Variants in TULP3 observed in about 807,000 individuals in gnomAD.
The protein encoded by TULP3 is tubby-related protein 3.
Under a neutral mutation model 50.7 loss-of-function variants are expected in TULP3, and 38 were observed. The observed-to-expected ratio is 0.75, with a 90% CI of 0.58 to 0.98. The LOEUF (loss-of-function observed/expected upper bound fraction) is 0.98. TULP3 is among the 50% of genes least tolerant of loss of function. The pLI, the probability that TULP3 is intolerant of heterozygous loss-of-function variation, is 0.00. For missense variants in TULP3, 550 were observed against 568.0 expected (o/e 0.97, Z 0.32); for synonymous variants, 183 against 196.6 (o/e 0.93, Z 0.58).
intron 1 of TULP3, among the ~76,000 whole-genome samples, chr12:2,905,803 A>G (rs985474732): frequency 2.0e-5 from 3 of 151,880 alleles, no homozygotes; most frequent in African/African-American, 7.3e-5. Flanking sequence ...CTTTAGTCAT[A>G]TGCCAGAACT....
intron 1 of TULP3, among the ~76,000 whole-genome samples, chr12:2,895,411 A>G: frequency 6.6e-6 from 1 of 152,204 alleles, no homozygotes; most frequent in East Asian, 1.9e-4. Flanking sequence ...TTCTCCCTAG[A>G]TGAGGAAGGA....
intron 2 of TULP3, among the ~76,000 whole-genome samples, chr12:2,911,041 A>G (rs1174618565): frequency 6.6e-6 from 1 of 151,838 alleles, no homozygotes. Context: ...TCTATGGATC[A>G]TGTTCTAAGA....
chr12:2,904,062 G>A (rs543916686), intron 1 of TULP3, among the ~76,000 whole-genome samples: 7 of 152,208 alleles, frequency 4.6e-5, no homozygotes, highest in African/African-American at 1.2e-4. Context: ...GATTACAAGC[G>A]TGAGCCACCG....
intron 8 of TULP3, among the ~76,000 whole-genome samples, chr12:2,936,925 G>A (rs868429005): frequency 2.0e-4 from 31 of 151,676 alleles, no homozygotes; most frequent in Admixed American, 8.5e-4. Context: ...AGCCAACTTG[G>A]TGAAACCCCG....
chr12:2,934,232 G>T (rs2153950405), intron 7 of TULP3, among the ~76,000 whole-genome samples: 1 of 152,324 alleles, frequency 6.6e-6, no homozygotes, highest in Non-Finnish European at 1.5e-5. Flanking sequence ...CTGGGCGACA[G>T]AGCGAGACCC....
intron 1 of TULP3, among the ~76,000 whole-genome samples, chr12:2,901,657 A>G (rs2098179384): frequency 1.3e-5 from 2 of 152,134 alleles, no homozygotes; most frequent in African/African-American, 4.8e-5. Flanking sequence ...TGCTGGGATT[A>G]CAGGTGTGAG....
chr12:2,913,304 G>A (rs913253987), intron 2 of TULP3, among the ~76,000 whole-genome samples: 1 of 151,692 alleles, frequency 6.6e-6, no homozygotes, highest in African/African-American at 2.4e-5. Context: ...CTGGAGTGCA[G>A]TGATACGGTC....
chr12:2,912,979 T>TC lies in TULP3; in HGVS notation c.93+3399_93+3400insC, dbSNP rs1555112981. On this transcript the variant is annotated intron_variant, in intron 2 of 10. Transcript: ENST00000448120. ...TTCCCTTAACACGTTCTTTTTTTTT[T>TC]TTTTTCTTCTTTTGAGACAGTCTCC... Among the ~76,000 whole-genome samples, 784 of 90,730 alleles carry TC rather than the reference T, an allele frequency of 8.6e-3. 7 individuals are homozygous for TC. The highest frequency in any genetic ancestry group is 0.027 in the African/African-American group (691 of 25,970). 59.5% of individuals were successfully genotyped at this position (90,730 alleles called of 152,430 possible).
At chr12:2,920,723 A>G in intron 2 of TULP3, 40 bp from the exon 3 acceptor site, 2 of 1,611,012 alleles carry the variant, frequency 1.2e-6, no homozygotes, top group Non-Finnish European at 1.7e-6. Flanking sequence ...AGGTCATGTC[A>G]AAACTCTCCT....
chr12:2,915,686 A>G (rs2098188242), intron 2 of TULP3, among the ~76,000 whole-genome samples: 1 of 152,006 alleles, frequency 6.6e-6, no homozygotes, highest in African/African-American at 2.4e-5. Flanking sequence ...CTGGGACTAC[A>G]GGCGCATGCC....
At chr12:2,921,158 G>T (rs2098191458) in intron 3 of TULP3, among the ~76,000 whole-genome samples, 1 of 151,938 alleles carries the variant, frequency 6.6e-6, no homozygotes, top group African/African-American at 2.4e-5. Context: ...TTTTTTTTGA[G>T]ACGGAGTTTT....
Position 2,940,355 on chromosome 12 carries a change from T to C in TULP3, c.*911T>C. The C allele has an allele frequency of 6.8e-7, 1 of 1,464,790 alleles. No individual in the cohort carries two copies. The highest frequency in any genetic ancestry group is 9.0e-7 in the Non-Finnish European group (1 of 1,115,824). The allele number at this position is 1,464,790 out of a possible 1,614,324, so 90.7% of individuals were successfully genotyped here. A position where few individuals can be genotyped will look rare whatever the true frequency, so the allele number is the denominator to read the frequency against. On this transcript the variant is annotated 3_prime_UTR_variant, in exon 11 of 11. Transcript: ENST00000448120. ...AAAAAAAAAGGTGGCAGGAGAGGCT[T>C]TGGGGAGGATCAGCCAGCAGACATG...
chr12:2,914,474 A>G (rs1245127206), intron 2 of TULP3, among the ~76,000 whole-genome samples: 1 of 152,154 alleles, frequency 6.6e-6, no homozygotes, highest in East Asian at 1.9e-4. Context: ...GAACACTAGA[A>G]CATATTTCTT....
chr12:2,922,692 C>A (rs1374914323), intron 4 of TULP3, among the ~76,000 whole-genome samples: 3 of 152,124 alleles, frequency 2.0e-5, no homozygotes, highest in Admixed American at 2.0e-4. Flanking sequence ...TCAGTTCCCA[C>A]CCTCTTCTTC....
intron 2 of TULP3, among the ~76,000 whole-genome samples, chr12:2,915,343 G>A (rs2098188006): frequency 6.6e-6 from 1 of 152,052 alleles, no homozygotes. Flanking sequence ...ATGCATATTA[G>A]GTAGAGTACA....
Position 2,940,704 on chromosome 12 carries a change from C to T in TULP3, c.*1260C>T. 4.5e-6 allele frequency: 7 copies of T among 1,551,148 alleles called. No homozygotes were observed. The South Asian group carries it at 4.8e-5, about 11-fold the overall frequency. ...CTCTCACCTCCGCCTGTTGTTCCTG[C>T]ACCACATCAGATAAGCATGTGAAGG... On this transcript the variant is annotated 3_prime_UTR_variant, in exon 11 of 11. Transcript: ENST00000448120.
At chr12:2,914,088 A>C (rs1203421698) in intron 2 of TULP3, among the ~76,000 whole-genome samples, 7 of 151,688 alleles carry the variant, frequency 4.6e-5, no homozygotes, top group Admixed American at 4.6e-4. Flanking sequence ...GAACATTTCA[A>C]ATCTTCTAGC....
At chr12:2,925,150 G>A (rs1014053723) in intron 4 of TULP3, among the ~76,000 whole-genome samples, 3 of 151,888 alleles carry the variant, frequency 2.0e-5, no homozygotes, top group Non-Finnish European at 4.4e-5. Flanking sequence ...CCTGGGCGAC[G>A]GAGCAAGACT....
Position 2,909,509 on chromosome 12 carries a change from A to ATTT in TULP3, c.42-8_42-6dup. On this transcript the variant is annotated intron_variant, in intron 1 of 10. Coordinates refer to ENST00000448120, the MANE Select transcript of TULP3 (RefSeq NM_003324.5). ...CGTTTTCTTTTTATATACTTGCTTT[A>ATTT]TTTTTTTTTTTTTTAACAGTGTCTT... 7.1e-7 allele frequency: 1 copy of ATTT among 1,409,172 alleles called. No homozygotes were observed. Among genetic ancestry groups the ATTT allele is most frequent in the Admixed American group, 2.3e-5 (1 of 42,954 alleles). The allele number at this position is 1,409,172 out of a possible 1,614,324, so 87.3% of individuals were successfully genotyped here. A position where few individuals can be genotyped will look rare whatever the true frequency, so the allele number is the denominator to read the frequency against.
Sources: gnomAD v4.1 joint callset for allele counts (sites outside exome capture counted in the v4.1 genomes callset) on GRCh38, gnomAD v4.1.1 for gene constraint, MANE v1.5 for transcripts, NCBI Gene and HGNC (gene_info 2026-07-23, HGNC 2026-07-21) for gene names.